The following ERC1 variants were observed in gnomAD, a reference collection of about 807,000 sequenced individuals.
ERC1 encodes ELKS/RAB6-interacting/CAST family member 1, also known as RAB6 interacting protein 2.
ERC1 carries 56 observed loss-of-function variants against 132.0 expected under a neutral mutation model. The ratio of observed to expected loss-of-function variants is 0.42; its 90% CI spans 0.34 to 0.53. The LOEUF is 0.53. ERC1 is among the 20% of genes least tolerant of loss of function. The probability of loss-of-function intolerance (pLI) is 0.03; values close to 1 mark genes in which losing one functional copy is unlikely to be tolerated. For missense variants in ERC1, 1,202 were observed against 1,349.9 expected (o/e 0.89, Z 1.72); for synonymous variants, 478 against 476.1 (o/e 1.00, Z -0.05).
At chr12:1,016,010 G>A (rs1234817572) in intron 1 of ERC1, among the ~76,000 whole-genome samples, 1 of 151,032 alleles carries the variant, frequency 6.6e-6, no homozygotes, top group Non-Finnish European at 1.5e-5. Context: ...GGTTGGACTA[G>A]TAATTTTGAG....
At chr12:1,214,665 T>TACACACACACACAC (rs59137347) in intron 12 of ERC1, among the ~76,000 whole-genome samples, 7 of 118,962 alleles carry the variant, frequency 5.9e-5, no homozygotes, top group African/African-American at 1.8e-4. Flanking sequence ...TGTGTATACA[T>TACACACACACACAC]ACACACACAC....
chr12:1,253,598 C>T (rs2076598257), intron 13 of ERC1, among the ~76,000 whole-genome samples: 1 of 152,058 alleles, frequency 6.6e-6, no homozygotes, highest in Non-Finnish European at 1.5e-5. Context: ...ATTGCTTGAA[C>T]CCAGGAGGTG....
intron 15 of ERC1, among the ~76,000 whole-genome samples, chr12:1,326,337 C>A (rs1448648364): frequency 6.6e-6 from 1 of 152,172 alleles, no homozygotes; most frequent in African/African-American, 2.4e-5. Flanking sequence ...CCCATTATTT[C>A]TCCTATTTTG....
chr12:1,163,905 G>A (rs1012852902), intron 8 of ERC1, among the ~76,000 whole-genome samples: 3 of 151,986 alleles, frequency 2.0e-5, no homozygotes, highest in East Asian at 1.9e-4. Context: ...TAGTAGAGAC[G>A]GGGTTTTGCC....
At chr12:1,138,183 TATCA>T (rs1949500477) in intron 7 of ERC1, among the ~76,000 whole-genome samples, 1 of 119,000 alleles carries the variant, frequency 8.4e-6, no homozygotes, top group Non-Finnish European at 1.6e-5. Flanking sequence ...ATATAATATA[TATCA>T]TATATAATTA....
chr12:1,383,286 C>T (rs1223866314), intron 16 of ERC1, among the ~76,000 whole-genome samples: 2 of 152,084 alleles, frequency 1.3e-5, no homozygotes, highest in African/African-American at 2.4e-5. Context: ...AGCTGCCTTT[C>T]CTATGCTCAT....
chr12:1,383,730 C>T (rs762492808), intron 16 of ERC1, among the ~76,000 whole-genome samples: 12 of 152,158 alleles, frequency 7.9e-5, no homozygotes, highest in Admixed American at 2.0e-4. Context: ...CACTGAGTGC[C>T]GTTTTCAGAA....
intron 17 of ERC1, among the ~76,000 whole-genome samples, chr12:1,422,047 C>G (rs959918129): frequency 2.0e-5 from 3 of 152,194 alleles, no homozygotes; most frequent in Admixed American, 6.6e-5. Context: ...TTAACTACAC[C>G]TACATCTTAG....
At chr12:1,410,232 T>C (rs928522624) in intron 17 of ERC1, among the ~76,000 whole-genome samples, 1 of 152,244 alleles carries the variant, frequency 6.6e-6, no homozygotes, top group African/African-American at 2.4e-5. Flanking sequence ...CATTAACTAC[T>C]AATTTTGATA....
intron 17 of ERC1, among the ~76,000 whole-genome samples, chr12:1,424,832 TA>T (rs57571961): frequency 0.075 from 8,831 of 117,770 alleles, 392 homozygotes; most frequent in Admixed American, 0.084. Flanking sequence ...GATAGATAGA[TA>T]GATAGATAGA....
In ERC1 at chr12:1,005,240, C is replaced by A. The variant is rs1035227893; in HGVS notation, c.-157+13918C>A. 2.0e-5 allele frequency among the ~76,000 whole-genome samples: 3 copies of A among 151,916 alleles called. No homozygotes were observed. The East Asian group carries it at 5.8e-4, about 29-fold the overall frequency. On this transcript the variant is annotated intron_variant, in intron 1 of 18. Transcript: ENST00000360905. Reference sequence around the variant, plus strand: ...TATCATGGCTTACTACAGCCTCGACCTCCCAGGCTCAAGCGATCCTCTTGC... The same window carrying A: ...TATCATGGCTTACTACAGCCTCGACATCCCAGGCTCAAGCGATCCTCTTGC...
At chr12:1,017,688 G>A (rs1965735548) in intron 1 of ERC1, among the ~76,000 whole-genome samples, 6 of 151,780 alleles carry the variant, frequency 4.0e-5, no homozygotes, top group Admixed American at 3.9e-4. Context: ...TCGTAGAGAT[G>A]GAGTTTCACC....
At chr12:1,291,466 A>G (rs925408377) in intron 15 of ERC1, among the ~76,000 whole-genome samples, 1 of 152,196 alleles carries the variant, frequency 6.6e-6, no homozygotes, top group African/African-American at 2.4e-5. Flanking sequence ...AAATTATTCA[A>G]TTATTGATCA....
chr12:1,492,345 C>T lies in ERC1; in HGVS notation c.*2115C>T. The T allele has an allele frequency of 4.3e-6, 1 of 233,200 alleles. No individual in the cohort carries two copies. The highest frequency in any genetic ancestry group is 8.5e-6 in the Non-Finnish European group (1 of 118,012). The allele number at this position is 233,200 out of a possible 1,614,324, so 14.4% of individuals were successfully genotyped here. ...CTGAAAGGCAGGAGTGTTAGCATCTCGCTTTATCCACCATAACGTAAAGAA... is the reference window on the plus strand; with the variant it reads ...CTGAAAGGCAGGAGTGTTAGCATCTTGCTTTATCCACCATAACGTAAAGAA... On this transcript the variant is annotated 3_prime_UTR_variant, in exon 19 of 19. Transcript: ENST00000360905.
intron 15 of ERC1, among the ~76,000 whole-genome samples, chr12:1,300,838 C>T (rs984865164): frequency 2.0e-5 from 3 of 152,068 alleles, no homozygotes; most frequent in Non-Finnish European, 2.9e-5. Flanking sequence ...GGAACTCTTA[C>T]ACACTGTCGG....
intron 15 of ERC1, among the ~76,000 whole-genome samples, chr12:1,345,498 T>C (rs1182287430): frequency 6.6e-5 from 10 of 152,198 alleles, no homozygotes; most frequent in Non-Finnish European, 7.4e-5. Context: ...ATTTCTTTAC[T>C]ATAAAGGAGA....
chr12:1,392,396 T>C (rs1388177660), intron 16 of ERC1, among the ~76,000 whole-genome samples: 3 of 152,230 alleles, frequency 2.0e-5, no homozygotes, highest in Admixed American at 2.0e-4. Context: ...ATGTATGTTC[T>C]GGGCTTAGAT....
At chr12:1,145,272 C>T (rs1279298860) in intron 8 of ERC1, among the ~76,000 whole-genome samples, 1 of 152,170 alleles carries the variant, frequency 6.6e-6, no homozygotes, top group East Asian at 1.9e-4. Context: ...CCGCCTCGGC[C>T]TCCCAAAGTG....
At chr12:1,292,205 A>C (rs1298573992) in intron 15 of ERC1, among the ~76,000 whole-genome samples, 1 of 152,140 alleles carries the variant, frequency 6.6e-6, no homozygotes, top group African/African-American at 2.4e-5. Context: ...ATTTTTAATA[A>C]AATTTTTATT....
Sources: gnomAD v4.1 joint callset for allele counts (sites outside exome capture counted in the v4.1 genomes callset) on GRCh38, gnomAD v4.1.1 for gene constraint, MANE v1.5 for transcripts, NCBI Gene and HGNC (gene_info 2026-07-23, HGNC 2026-07-21) for gene names.